PI4KB: variants seen among roughly 807,000 people sequenced by gnomAD.
PI4KB encodes PtdIns 4-kinase beta.
PI4KB carries 23 observed loss-of-function variants against 81.4 expected under a neutral mutation model. The observed-to-expected ratio is 0.28, with a 90% CI of 0.20 to 0.40. PI4KB has a LOEUF of 0.40. Among genes scored for constraint, PI4KB ranks in the 10% least tolerant of loss-of-function variants. The pLI is 1.00. For missense variants in PI4KB, 651 were observed against 1,036.6 expected (o/e 0.63, Z 5.11); for synonymous variants, 381 against 406.8 (o/e 0.94, Z 0.76).
chr1:151,303,384 C>T, intron 6 of PI4KB, 157 bp downstream of exon 6: 1 of 669,990 alleles, frequency 1.5e-6, no homozygotes, highest in Admixed American at 2.2e-5. Flanking sequence ...CCTACACCTT[C>T]ATTGCCTCAA....
chr1:151,318,450 C>G (rs1306805564), intron 1 of PI4KB, among the ~76,000 whole-genome samples: 1 of 149,422 alleles, frequency 6.7e-6, no homozygotes, highest in African/African-American at 2.5e-5. Flanking sequence ...CGGTGGCTCA[C>G]GCCTGTAATC....
At chr1:151,293,354 A>C (rs1694473359) in intron 11 of PI4KB, 2 of 1,346,780 alleles carry the variant, frequency 1.5e-6, no homozygotes, top group East Asian at 9.1e-5. Flanking sequence ...TGAGCTGGGC[A>C]CTTATCTGGT....
rs587734969 is a variant in PI4KB at position 151,292,870 on chromosome 1, G to A, written c.2433C>T (p.Leu811=). 23 of 1,614,124 alleles carry A rather than the reference G, an allele frequency of 1.4e-5. No individual in the cohort carries two copies. In the African/African-American group the frequency reaches 2.8e-4, roughly 20 times the overall value. The change falls in exon 12 of 12, where the codon CTC becomes CTT. Residue 811 remains leucine (L), a synonymous_variant. Transcript: ENST00000368873. ...TTKLYDGFQY[L]TNGIM ...GAGCGTGTCACATGATGCCGTTGGT[G>A]AGGTACTGGAAGCCGTCATAGAGTT... is the stretch of plus-strand genomic sequence containing the variant.
At chr1:151,293,201 AC>A in intron 11 of PI4KB, 168 bp from the exon 12 acceptor site, 10 of 985,180 alleles carry the variant, frequency 1.0e-5, no homozygotes, top group Non-Finnish European at 1.2e-5. Flanking sequence ...ACCGGCAGGA[AC>A]CCCTCATCAC....
chr1:151,327,537 A>G (rs372514787), upstream of PI4KB: 4 of 392,970 alleles, frequency 1.0e-5, no homozygotes, highest in East Asian at 1.4e-4. Context: ...AAAATAAAAT[A>G]AAATTCCCCA....
intron 1 of PI4KB, among the ~76,000 whole-genome samples, chr1:151,323,448 C>T (rs1324273367): frequency 1.4e-5 from 2 of 143,292 alleles, no homozygotes; most frequent in East Asian, 2.1e-4. Flanking sequence ...CGCAGGTTGC[C>T]GTGAGCTGAG....
intron 7 of PI4KB, 100 bp downstream of exon 7, chr1:151,302,094 A>G: frequency 1.3e-6 from 2 of 1,571,110 alleles, no homozygotes; most frequent in Non-Finnish European, 1.7e-6. Context: ...GAAGCCTGAC[A>G]GATTTTTTTG....
intron 5 of PI4KB, 89 bp from the exon 6 acceptor site, chr1:151,303,739 T>A (rs1695499501): frequency 5.9e-6 from 5 of 842,338 alleles, no homozygotes; most frequent in Admixed American, 5.2e-5. Context: ...TGCAGCATGC[T>A]CATCCCTCTC....
intron 8 of PI4KB, 142 bp from the exon 9 acceptor site, chr1:151,299,215 G>C: frequency 2.7e-6 from 2 of 738,456 alleles, no homozygotes; most frequent in Non-Finnish European, 4.4e-6. Flanking sequence ...ACTTAACCCA[G>C]TGAGGACCAG....
intron 1 of PI4KB, among the ~76,000 whole-genome samples, chr1:151,320,565 A>G (rs2102011790): frequency 6.6e-6 from 1 of 152,274 alleles, no homozygotes; most frequent in South Asian, 2.1e-4. Context: ...CTCTTTCACT[A>G]TGCTCTCTCC....
At chr1:151,306,419 C>T in intron 4 of PI4KB, 56 bp from the exon 5 acceptor site, 1 of 1,121,914 alleles carries the variant, frequency 8.9e-7, no homozygotes, top group Non-Finnish European at 1.4e-6. Flanking sequence ...ACCCCCAAAT[C>T]TCAACTCTGT....
At chr1:151,312,134 G>A (rs993411019) in intron 2 of PI4KB, among the ~76,000 whole-genome samples, 1 of 152,210 alleles carries the variant, frequency 6.6e-6, no homozygotes, top group Non-Finnish European at 1.5e-5. Flanking sequence ...TCTGACTGTG[G>A]GAGAGAGTGT....
At chr1:151,307,016 A>G (rs925461242) in intron 4 of PI4KB, among the ~76,000 whole-genome samples, 1 of 152,180 alleles carries the variant, frequency 6.6e-6, no homozygotes, top group African/African-American at 2.4e-5. Context: ...CGGAGGTTGC[A>G]GTAAGCCAAG....
chr1:151,305,807 A>C (rs941590055), intron 5 of PI4KB, among the ~76,000 whole-genome samples: 4 of 152,214 alleles, frequency 2.6e-5, no homozygotes, highest in Non-Finnish European at 5.9e-5. Flanking sequence ...GAATGAATTA[A>C]TGTATGACTT....
At chr1:151,301,538 C>T (rs1436023789) in intron 8 of PI4KB, among the ~76,000 whole-genome samples, 1 of 152,228 alleles carries the variant, frequency 6.6e-6, no homozygotes. Context: ...GCTGGGACTA[C>T]AGGCGCCCGC....
chr1:151,311,052 A>G (rs1202348372), intron 2 of PI4KB, among the ~76,000 whole-genome samples: 2 of 152,234 alleles, frequency 1.3e-5, no homozygotes, highest in Admixed American at 1.3e-4. Context: ...CAGCTGTCCT[A>G]GTCCCAGCCC....
At chr1:151,322,850 A>G (rs995767618) in intron 1 of PI4KB, among the ~76,000 whole-genome samples, 1 of 152,068 alleles carries the variant, frequency 6.6e-6, no homozygotes, top group African/African-American at 2.4e-5. Context: ...CAAGGAGGAA[A>G]GCTTCTTCCT....
intron 9 of PI4KB, 65 bp from the exon 10 acceptor site, chr1:151,294,606 G>A (rs587636401): frequency 9.1e-5 from 139 of 1,524,438 alleles, no homozygotes; most frequent in Non-Finnish European, 1.2e-4. Context: ...GGAACCTTAA[G>A]CAGCAATACA....
chr1:151,316,591 C>A, intron 1 of PI4KB, 82 bp from the exon 2 acceptor site: 1 of 985,040 alleles, frequency 1.0e-6, no homozygotes. Context: ...CAGATCTTCC[C>A]TTTGCTATGA....
Sources: gnomAD v4.1 joint callset for allele counts (sites outside exome capture counted in the v4.1 genomes callset) on GRCh38, gnomAD v4.1.1 for gene constraint, MANE v1.5 for transcripts, NCBI Gene and HGNC (gene_info 2026-07-23, HGNC 2026-07-21) for gene names.